Variants in RAF1 observed in about 807,000 individuals in gnomAD.
RAF1 encodes Raf-1 proto-oncogene, serine/threonine kinase.
A neutral mutation model predicts 81.1 loss-of-function variants in RAF1; 27 were observed. The ratio of observed to expected loss-of-function variants is 0.33; its 90% confidence interval spans 0.25 to 0.46. RAF1 has a LOEUF of 0.46. Among genes scored for constraint, RAF1 ranks in the 20% least tolerant of loss-of-function variants. The probability of loss-of-function intolerance (pLI) is 1.00; values close to 1 mark genes in which losing one functional copy is unlikely to be tolerated. For missense variants in RAF1, 598 were observed against 826.0 expected, an observed-to-expected ratio of 0.72 and a Z score of 3.38; for synonymous variants, 298 against 294.0, an observed-to-expected ratio of 1.01 and a Z score of -0.14.
At chr3:12,589,748 G>A (rs1170268490) in intron 13 of RAF1, 1 of 151,950 alleles carries the variant, frequency 6.6e-6, no homozygotes, top group Admixed American at 6.6e-5. Context: ...ATAGGTGACA[G>A]AGTGAGAACC....
intron 15 of RAF1, chr3:12,585,480 C>T (rs978051815): frequency 1.0e-6 from 1 of 962,892 alleles, no homozygotes. Context: ...AGCTTATTAA[C>T]TCCTCTCCAC....
intron 8 of RAF1, among the ~76,000 whole-genome samples, chr3:12,601,563 G>A (rs1249742491): frequency 6.6e-6 from 1 of 152,066 alleles, no homozygotes; most frequent in East Asian, 1.9e-4. Flanking sequence ...TTGGGGGGAA[G>A]TCCTACTATA....
chr3:12,627,894 T>G (rs1484152200), intron 1 of RAF1, among the ~76,000 whole-genome samples: 1 of 152,204 alleles, frequency 6.6e-6, no homozygotes, highest in Non-Finnish European at 1.5e-5. Flanking sequence ...CCGAAGCAGG[T>G]GGATAACCTG....
chr3:12,614,517 T>G (rs4234512), intron 2 of RAF1, among the ~76,000 whole-genome samples: 127,580 of 151,838 alleles, frequency 0.84, 53,996 homozygotes, highest in East Asian at 0.94. Context: ...ATGTACCCTT[T>G]ACCACCCCAG....
chr3:12,597,135 T>C (rs976163523), intron 11 of RAF1, among the ~76,000 whole-genome samples: 1 of 152,134 alleles, frequency 6.6e-6, no homozygotes, highest in African/African-American at 2.4e-5. Flanking sequence ...ACTGACCTCG[T>C]GATCCACCCA....
At chr3:12,659,427 C>CTAAAAAAAAAAAAA (rs2060805165) in intron 1 of RAF1, among the ~76,000 whole-genome samples, 1 of 47,682 alleles carries the variant, frequency 2.1e-5, no homozygotes, top group African/African-American at 9.0e-5. Flanking sequence ...GATTTCATCT[C>CTAAAAAAAAAAAAA]AAAAAAAAAA....
chr3:12,662,728 T>G (rs1211996681), intron 1 of RAF1, among the ~76,000 whole-genome samples: 1 of 152,078 alleles, frequency 6.6e-6, no homozygotes, highest in Admixed American at 6.6e-5. Flanking sequence ...TACTCACAGG[T>G]GTTTCAAAAC....
At chr3:12,616,631 G>A (rs1170424286) in intron 2 of RAF1, among the ~76,000 whole-genome samples, 1 of 152,024 alleles carries the variant, frequency 6.6e-6, no homozygotes, top group Non-Finnish European at 1.5e-5. Flanking sequence ...AGGCTCCTTA[G>A]GTTCACAAAA....
At chr3:12,593,786 CTTT>C (rs756831846) in intron 11 of RAF1, among the ~76,000 whole-genome samples, 2,482 of 111,238 alleles carry the variant, frequency 0.022, 18 homozygotes, top group African/African-American at 0.035. Context: ...GGAGTAAATC[CTTT>C]TTTTTTTTTT....
intron 1 of RAF1, among the ~76,000 whole-genome samples, chr3:12,655,390 AT>A (rs1295843204): frequency 6.6e-6 from 1 of 152,188 alleles, no homozygotes; most frequent in African/African-American, 2.4e-5. Flanking sequence ...CCAGCCCAAG[AT>A]TGTTACTTTA....
At chr3:12,621,462 A>G (rs1302991852) in intron 1 of RAF1, among the ~76,000 whole-genome samples, 1 of 152,270 alleles carries the variant, frequency 6.6e-6, no homozygotes, top group East Asian at 1.9e-4. Context: ...TAGTATTCTT[A>G]GATGACAGCT....
At chr3:12,638,627 T>C (rs569817837) in intron 1 of RAF1, among the ~76,000 whole-genome samples, 1 of 152,364 alleles carries the variant, frequency 6.6e-6, no homozygotes, top group South Asian at 2.1e-4. Context: ...ACATTCTTGT[T>C]CATCTGTTCT....
At chr3:12,652,248 C>A (rs2060555370) in intron 1 of RAF1, among the ~76,000 whole-genome samples, 1 of 151,722 alleles carries the variant, frequency 6.6e-6, no homozygotes. Context: ...ATAGGCCAGG[C>A]GTAGTGACTC....
In RAF1 at chr3:12,609,418, T is replaced by A. The variant is rs1275084492; in HGVS notation, c.321-83A>T. 29 of 890,268 alleles carry A rather than the reference T, an allele frequency of 3.3e-5. No homozygotes were observed. In the East Asian group the frequency reaches 6.3e-4, roughly 19 times the overall value. 55.1% of individuals were successfully genotyped at this position (890,268 alleles called of 1,614,324 possible). A position where few individuals can be genotyped will look rare whatever the true frequency, so the allele number is the denominator to read the frequency against. ...ATAACAACAGCTACCATTTATCACA[T>A]GCCATATAAACACAACTTTATTTAA... On this transcript the variant is annotated intron_variant, in intron 3 of 17. Coordinates refer to ENST00000442415, the MANE Select transcript of RAF1 (RefSeq NM_001354689.3).
intron 1 of RAF1, among the ~76,000 whole-genome samples, chr3:12,649,294 G>T (rs968082945): frequency 1.3e-5 from 2 of 152,088 alleles, no homozygotes; most frequent in African/African-American, 4.8e-5. Context: ...TCAAAAGAAA[G>T]ACATGTTTAA....
intron 1 of RAF1, among the ~76,000 whole-genome samples, chr3:12,649,198 A>G (rs969666079): frequency 3.9e-5 from 6 of 152,232 alleles, no homozygotes; most frequent in Non-Finnish European, 8.8e-5. Context: ...ACAACTTCTA[A>G]GAGTTACAGT....
chr3:12,600,692 G>A (rs910157893), intron 8 of RAF1, among the ~76,000 whole-genome samples: 1 of 152,182 alleles, frequency 6.6e-6, no homozygotes, highest in Non-Finnish European at 1.5e-5. Context: ...CTCCCGAGTA[G>A]CTGGGATTAC....
chr3:12,592,343 A>C (rs574134830), intron 11 of RAF1, among the ~76,000 whole-genome samples: 1 of 152,302 alleles, frequency 6.6e-6, no homozygotes, highest in Non-Finnish European at 1.5e-5. Context: ...TTTCAGTGAG[A>C]CCTAAGATGG....
intron 10 of RAF1, 39 bp downstream of exon 9, chr3:12,600,113 G>A (rs1457446875): frequency 6.2e-7 from 1 of 1,613,090 alleles, no homozygotes; most frequent in African/African-American, 1.3e-5. Context: ...TTTTCTTACT[G>A]AACCCTAATT....
Sources: gnomAD v4.1 joint callset for allele counts (sites outside exome capture counted in the v4.1 genomes callset) on GRCh38, gnomAD v4.1.1 for gene constraint, MANE v1.5 for transcripts, NCBI Gene and HGNC (gene_info 2026-07-23, HGNC 2026-07-21) for gene names.